The following GALK2 variants were observed in gnomAD, a reference collection of about 807,000 sequenced individuals.
GALK2 encodes the protein galactokinase 2.
Under a neutral mutation model 52.4 loss-of-function variants are expected in GALK2, and 36 were observed. The ratio of observed to expected loss-of-function variants is 0.69; its 90% CI spans 0.53 to 0.91. The LOEUF (loss-of-function observed/expected upper bound fraction) is 0.91. Among genes scored for constraint, GALK2 ranks in the 40% least tolerant of loss-of-function variants. The probability of loss-of-function intolerance (pLI) is 0.00; values close to 1 mark genes in which losing one functional copy is unlikely to be tolerated. For synonymous variants in GALK2, 176 were observed against 199.1 expected, an observed-to-expected ratio of 0.88 and a Z score of 0.98; for missense variants, 579 against 559.1, an observed-to-expected ratio of 1.04 and a Z score of -0.36.
At chr15:49,211,402 A>G (rs555413016) in intron 2 of GALK2, among the ~76,000 whole-genome samples, 1 of 152,286 alleles carries the variant, frequency 6.6e-6, no homozygotes, top group South Asian at 2.1e-4. Context: ...GGAAGTTCCA[A>G]ACTTTCCCTC....
chr15:49,284,145 A>G (rs1050994303), intron 7 of GALK2, among the ~76,000 whole-genome samples: 14 of 152,078 alleles, frequency 9.2e-5, no homozygotes, highest in African/African-American at 1.9e-4. Flanking sequence ...GTCCCCCCAG[A>G]CCCCGTACCC....
At chr15:49,355,758 C>G (rs1446951057) in intron 3 of GALK2, among the ~76,000 whole-genome samples, 1 of 151,376 alleles carries the variant, frequency 6.6e-6, no homozygotes. Flanking sequence ...AGATACTCCT[C>G]GAGAAGAGCA....
intron 3 of GALK2, chr15:49,365,298 G>A (rs765097863): frequency 8.4e-6 from 13 of 1,553,812 alleles, no homozygotes; most frequent in Non-Finnish European, 1.2e-5. Flanking sequence ...AGGAGAGCAG[G>A]TTGCCCCTTT....
At chr15:49,353,690 G>A (rs557042496) in intron 3 of GALK2, 2 of 144,638 alleles carry the variant, frequency 1.4e-5, no homozygotes, top group East Asian at 2.0e-4. Context: ...TATTCACTTC[G>A]CCCAGAGTAT....
chr15:49,340,413 T>A (rs866483540), intron 3 of GALK2, among the ~76,000 whole-genome samples: 3 of 64,430 alleles, frequency 4.7e-5, no homozygotes, highest in Admixed American at 1.4e-4. Context: ...GCCCCCCCCC[T>A]CCCCCCCCCG....
intron 3 of GALK2, among the ~76,000 whole-genome samples, chr15:49,361,664 A>C (rs2044263063): frequency 6.6e-6 from 1 of 152,062 alleles, no homozygotes; most frequent in Admixed American, 6.6e-5. Context: ...ATCTAGGTTG[A>C]ATTCCTTATC....
chr15:49,299,766 T>TC lies in GALK2; in HGVS notation c.967+7230dup, dbSNP rs1567037605. 3.8e-3 allele frequency among the ~76,000 whole-genome samples: 542 copies of TC among 142,982 alleles called. 11 individuals are homozygous for TC. Among genetic ancestry groups the TC allele is most frequent in the African/African-American group, 8.6e-3 (317 of 36,874 alleles). 93.8% of individuals were successfully genotyped at this position (142,982 alleles called of 152,430 possible). ...TTCTTTCTTTCTTTCTTTCTTTCTT[T>TC]CTTTCTTTCTTTCTTTCTTTCTTTC... On this transcript the variant is annotated intron_variant, in intron 8 of 9. Transcript: ENST00000560031.
At chr15:49,187,351 G>C (rs1174697732) in intron 1 of GALK2, among the ~76,000 whole-genome samples, 9 of 152,310 alleles carry the variant, frequency 5.9e-5, no homozygotes, top group African/African-American at 4.8e-5. Context: ...AAGTAGACTT[G>C]TGGCCACTGT....
intron 8 of GALK2, among the ~76,000 whole-genome samples, chr15:49,306,157 TC>T (rs1408136747): frequency 6.6e-6 from 1 of 151,784 alleles, no homozygotes; most frequent in Non-Finnish European, 1.5e-5. Context: ...AGGTCACTCT[TC>T]CTGTTCTGCT....
chr15:49,163,017 G>C (rs1297434443), intron 1 of GALK2, among the ~76,000 whole-genome samples: 1 of 152,160 alleles, frequency 6.6e-6, no homozygotes, highest in East Asian at 1.9e-4. Context: ...TAGTGAAATG[G>C]TTGGGTCATA....
At chr15:49,266,165 G>T (rs767722123) in intron 5 of GALK2, among the ~76,000 whole-genome samples, 1 of 152,086 alleles carries the variant, frequency 6.6e-6, no homozygotes, top group Non-Finnish European at 1.5e-5. Context: ...CATCCTCCAG[G>T]CTAGTCCAGG....
At chr15:49,187,445 C>A (rs1388197153) in intron 1 of GALK2, among the ~76,000 whole-genome samples, 2 of 152,148 alleles carry the variant, frequency 1.3e-5, no homozygotes, top group African/African-American at 4.8e-5. Context: ...TCATGGTTAC[C>A]ACTGATGCTC....
downstream of GALK2, among the ~76,000 whole-genome samples, chr15:49,335,928 C>G (rs956337476): frequency 6.6e-6 from 1 of 152,172 alleles, no homozygotes. Flanking sequence ...TCATAGTTCA[C>G]TGTGACCTCA....
At chr15:49,265,071 G>C (rs893545122) in intron 5 of GALK2, among the ~76,000 whole-genome samples, 2 of 152,176 alleles carry the variant, frequency 1.3e-5, no homozygotes, top group African/African-American at 4.8e-5. Flanking sequence ...CAGATCTCCA[G>C]CTGCGTGCTG....
intron 3 of GALK2, among the ~76,000 whole-genome samples, chr15:49,355,372 A>G (rs2042967648): frequency 6.6e-6 from 1 of 152,254 alleles, no homozygotes; most frequent in Non-Finnish European, 1.5e-5. Context: ...TAACTAGAAT[A>G]ACCAATACAG....
chr15:49,358,056 A>C (rs1052472474), intron 3 of GALK2, among the ~76,000 whole-genome samples: 2 of 152,232 alleles, frequency 1.3e-5, no homozygotes, highest in East Asian at 1.9e-4. Context: ...GCTAAAAGCT[A>C]TCAATAAATT....
At chr15:49,326,550 T>G (rs1315495848) in intron 9 of GALK2, among the ~76,000 whole-genome samples, 3 of 152,110 alleles carry the variant, frequency 2.0e-5, no homozygotes, top group Non-Finnish European at 4.4e-5. Context: ...GCACCCGGCA[T>G]GACAACCATT....
chr15:49,201,778 A>G (rs1230827438), intron 2 of GALK2, among the ~76,000 whole-genome samples: 4 of 152,198 alleles, frequency 2.6e-5, no homozygotes, highest in Non-Finnish European at 5.9e-5. Context: ...GTCCCTATAT[A>G]TAATAATTGA....
At chr15:49,361,371 G>A (rs2044208365) in intron 3 of GALK2, among the ~76,000 whole-genome samples, 1 of 151,436 alleles carries the variant, frequency 6.6e-6, no homozygotes, top group African/African-American at 2.4e-5. Flanking sequence ...TACCCAGTAG[G>A]CAGTTTTTTG....
Sources: gnomAD v4.1 joint callset for allele counts (sites outside exome capture counted in the v4.1 genomes callset) on GRCh38, gnomAD v4.1.1 for gene constraint, MANE v1.5 for transcripts, NCBI Gene and HGNC (gene_info 2026-07-23, HGNC 2026-07-21) for gene names.